The following RBM27 variants were observed in gnomAD, a reference collection of about 807,000 sequenced individuals.
RBM27 encodes the protein RNA-binding protein 27.
In RBM27, 22 loss-of-function variants were observed where a neutral mutation model predicts 135.3. That is an observed-to-expected ratio of 0.16 (90% confidence interval 0.12 to 0.23). The LOEUF (loss-of-function observed/expected upper bound fraction) is 0.23, where lower values mean the gene tolerates loss of function less well. Among genes scored for constraint, RBM27 ranks in the 10% least tolerant of loss-of-function variants. The probability of loss-of-function intolerance (pLI) is 1.00; values close to 1 mark genes in which losing one functional copy is unlikely to be tolerated. For missense variants in RBM27, 1,009 were observed against 1,281.0 expected (o/e 0.79, Z 3.24); for synonymous variants, 481 against 442.4 (o/e 1.09, Z -1.10).
At position 146,255,043 on chromosome 5, in the gene RBM27, T is replaced by C; in HGVS notation, c.1545T>C (p.Arg515=). The change falls in exon 10 of 21, where the codon CGT becomes CGC. Residue 515 remains arginine (R), a synonymous_variant. Coordinates refer to ENST00000265271, the MANE Select transcript of RBM27 (RefSeq NM_018989.2). The part of the protein sequence containing the change: ...RQFFSRTQTQ[R]PNLIGLTSGD... ...TCTTTTCAAGAACTCAGACACAGCG[T>C]CCCAATCTGATTGGCCTAACATCTG... 1 of 1,612,434 alleles carries C rather than the reference T, an allele frequency of 6.2e-7. No individual in the cohort carries two copies. Among genetic ancestry groups the C allele is most frequent in the Non-Finnish European group, 8.5e-7 (1 of 1,178,620 alleles).
intron 10 of RBM27, among the ~76,000 whole-genome samples, chr5:146,257,931 C>T (rs1247580376): frequency 6.6e-6 from 1 of 152,168 alleles, no homozygotes; most frequent in Non-Finnish European, 1.5e-5. Context: ...ATTCTCCTGC[C>T]TCAGCCTCCC....
intron 1 of RBM27, 47 bp downstream of exon 1, chr5:146,203,871 G>A: frequency 6.7e-7 from 1 of 1,502,746 alleles, no homozygotes; most frequent in South Asian, 1.2e-5. Flanking sequence ...GGGCGTTGGG[G>A]GCTCGCGGGG....
rs547297147 is a variant in RBM27, at chr5:146,250,023, A to T, written c.1280-1688A>T. 2.0e-5 allele frequency among the ~76,000 whole-genome samples: 3 copies of T among 152,216 alleles called. No individual in the cohort carries two copies. In the East Asian group the frequency reaches 5.8e-4, roughly 29 times the overall value. ...GCTTCTTATATACGAAGAAAAGGGT[A>T]GTGAAGTTTAGCATCTCCATATTCC... On this transcript the variant is annotated intron_variant, in intron 8 of 20. Transcript: ENST00000265271.
chr5:146,248,234 GTT>G (rs371306680), intron 8 of RBM27, among the ~76,000 whole-genome samples: 2 of 134,692 alleles, frequency 1.5e-5, no homozygotes, highest in Non-Finnish European at 1.6e-5. Flanking sequence ...GCTTCTGCTA[GTT>G]TTTTTTTTTT....
At chr5:146,217,781 G>C (rs1198481552) in intron 1 of RBM27, among the ~76,000 whole-genome samples, 2 of 151,916 alleles carry the variant, frequency 1.3e-5, no homozygotes, top group Non-Finnish European at 2.9e-5. Context: ...GTTTCTTTGA[G>C]ACAGGGTCTC....
chr5:146,245,547 C>A (rs1757590092), intron 8 of RBM27, among the ~76,000 whole-genome samples: 1 of 152,178 alleles, frequency 6.6e-6, no homozygotes, highest in Admixed American at 6.5e-5. Context: ...TACTTTCCTA[C>A]TAACTGTATA....
chr5:146,278,159 C>T (rs1254177044), intron 19 of RBM27, among the ~76,000 whole-genome samples: 2 of 152,062 alleles, frequency 1.3e-5, no homozygotes, highest in Non-Finnish European at 2.9e-5. Context: ...TTTTTATCTG[C>T]CAGTCAGTTG....
At chr5:146,212,124 C>T (rs1018181152) in intron 1 of RBM27, among the ~76,000 whole-genome samples, 1 of 135,746 alleles carries the variant, frequency 7.4e-6, no homozygotes, top group Non-Finnish European at 1.6e-5. Flanking sequence ...GGCGCAATCT[C>T]GACTCACTGC....
intron 8 of RBM27, 125 bp downstream of exon 8, chr5:146,237,557 G>T (rs1385534364): frequency 1.8e-6 from 2 of 1,129,770 alleles, no homozygotes; most frequent in African/African-American, 3.1e-5. Context: ...AATTGTATTT[G>T]TGTTTACAAT....
Position 146,228,985 on chromosome 5 carries a change from A to G in RBM27, c.343A>G (p.Lys115Glu), listed in dbSNP as rs1253252490. Residue 115 changes from lysine to glutamate, a missense_variant, in exon 4 of 21, where the codon AAA becomes GAA. Transcript: ENST00000265271. ...AGCAGAGGAAGAACGAGATGGCAGA[A>G]AAAAGAAATATCCTAGTCCCCAGAA... ...EPAEEERDGR[K>E]KKYPSPQKTR... 6.2e-7 allele frequency: 1 copy of G among 1,613,746 alleles called. No individual in the cohort carries two copies. The highest frequency in any genetic ancestry group is 8.5e-7 in the Non-Finnish European group (1 of 1,179,828).
Position 146,252,478 on chromosome 5 carries a change from A to G in RBM27, c.1444+603A>G, listed in dbSNP as rs1367360325. On this transcript the variant is annotated intron_variant, in intron 9 of 20. Coordinates refer to ENST00000265271, the MANE Select transcript of RBM27 (RefSeq NM_018989.2). ...TTTTAAGTTAATTGGTGTTCTGTGT[A>G]TTCCCAGGATTTATGGCACAAGGTC... Among the ~76,000 whole-genome samples, 3 of 152,168 alleles carry G rather than the reference A, an allele frequency of 2.0e-5. No homozygotes were observed. In the East Asian group the frequency reaches 5.8e-4, roughly 29 times the overall value.
rs180845257 is a variant in RBM27 at position 146,231,193 on chromosome 5, T to G, written c.850+276T>G. On this transcript the variant is annotated intron_variant, in intron 6 of 20. Coordinates refer to ENST00000265271, the MANE Select transcript of RBM27 (RefSeq NM_018989.2). ...CCAACTCATGGGGAATGTTGTTTAATCTACACTCCCACTGACTTCTATGGC... is the reference window on the plus strand; with the variant it reads ...CCAACTCATGGGGAATGTTGTTTAAGCTACACTCCCACTGACTTCTATGGC... Among the ~76,000 whole-genome samples the G allele has an allele frequency of 1.4e-3, 220 of 152,242 alleles. 1 individual carries two copies. The highest frequency in any genetic ancestry group is 5.2e-3 in the African/African-American group (216 of 41,540).
intron 6 of RBM27, among the ~76,000 whole-genome samples, chr5:146,232,064 TA>T (rs1756957169): frequency 6.6e-6 from 1 of 152,218 alleles, no homozygotes; most frequent in African/African-American, 2.4e-5. Flanking sequence ...TATATATTCA[TA>T]AAAGCTGACA....
intron 2 of RBM27, among the ~76,000 whole-genome samples, chr5:146,220,077 T>C (rs901433999): frequency 1.3e-5 from 2 of 152,020 alleles, no homozygotes; most frequent in African/African-American, 4.8e-5. Context: ...CTGTCATAGG[T>C]TTATTTGCCT....
chr5:146,285,936 T>C lies in RBM27; in HGVS notation c.3100-11T>C, dbSNP rs762054858. ...GTGCCACTAAGCAGATTTTAACCTC[T>C]CTTTCTTCAGGAAACAGAAACCTCA... On this transcript the variant is annotated splice_polypyrimidine_tract_variant and intron_variant, in intron 20 of 20. Transcript: ENST00000265271. The C allele has an allele frequency of 6.2e-7, 1 of 1,607,690 alleles. No individual in the cohort carries two copies. The highest frequency in any genetic ancestry group is 1.1e-5 in the South Asian group (1 of 90,536).
chr5:146,256,538 A>G (rs910837048), intron 10 of RBM27, among the ~76,000 whole-genome samples: 1 of 151,524 alleles, frequency 6.6e-6, no homozygotes, highest in African/African-American at 2.4e-5. Context: ...TTTAGTAGAG[A>G]CGAGGTTTCA....
chr5:146,254,938 C>G lies in RBM27; in HGVS notation c.1445-5C>G, dbSNP rs1758045557. On this transcript the variant is annotated splice_region_variant and splice_polypyrimidine_tract_variant and intron_variant, in intron 9 of 20. Coordinates refer to ENST00000265271, the MANE Select transcript of RBM27 (RefSeq NM_018989.2). ...TGTGTGTTTTGTTGCTTTGTTTTCC[C>G]TCAGATACATATGAACCAGATGGTT... The G allele has an allele frequency of 2.6e-6, 4 of 1,558,222 alleles. No individual in the cohort carries two copies. Among genetic ancestry groups the G allele is most frequent in the Middle Eastern group, 1.7e-4 (1 of 5,884 alleles).
chr5:146,230,928 C>T lies in RBM27; in HGVS notation c.850+11C>T. ...GCAGAGATTATGATGGTAAAAATCA[C>T]CACCTTTTCTCATATTGTGCCCAAA... is the stretch of plus-strand genomic sequence containing the variant. On this transcript the variant is annotated intron_variant, in intron 6 of 20. Transcript: ENST00000265271. The T allele has an allele frequency of 1.2e-6, 2 of 1,612,822 alleles. No individual in the cohort carries two copies. Among genetic ancestry groups the T allele is most frequent in the East Asian group, 2.2e-5 (1 of 44,866 alleles).
In RBM27 at chr5:146,261,697, C is replaced by T. The variant is rs570360921; in HGVS notation, c.2081C>T (p.Thr694Ile). The part of the protein sequence containing the change: ...SAQLLLQQQQ[T>I]LSHLSQQHHH... ...CAGCTGCTCCTGCAACAACAGCAAA[C>T]ACTTAGTCACCTCTCACAGCAGCAC... The change falls in exon 13 of 21, where the codon ACA (threonine) becomes ATA (isoleucine). Residue 694 changes from threonine (T) to isoleucine (I), a missense_variant. Physicochemically the swap from Thr to Ile is moderately conservative, Grantham distance 89. Transcript: ENST00000265271. The T allele has an allele frequency of 5.6e-6, 9 of 1,614,216 alleles. No homozygotes were observed. In the African/African-American group the frequency reaches 1.1e-4, roughly 19 times the overall value.
Sources: allele counts gnomAD v4.1 joint callset (sites outside exome capture counted in the v4.1 genomes callset), GRCh38; gene constraint gnomAD v4.1.1; transcripts MANE v1.5; gene names NCBI Gene and HGNC (gene_info 2026-07-23, HGNC 2026-07-21).